ADAMTS17: variants seen among roughly 807,000 people sequenced by gnomAD.
ADAMTS17 encodes the protein ADAM metallopeptidase with thrombospondin type 1 motif 17, also known as A disintegrin and metalloproteinase with thrombospondin motifs 17.
ADAMTS17 carries 113 observed loss-of-function variants against 141.5 expected under a neutral mutation model. The ratio of observed to expected loss-of-function variants is 0.80; its 90% CI spans 0.69 to 0.93. ADAMTS17 has a LOEUF of 0.93. ADAMTS17 is among the 40% of genes least tolerant of loss of function. ADAMTS17 has a pLI of 0.00. For synonymous variants in ADAMTS17, 768 were observed against 630.6 expected, an observed-to-expected ratio of 1.22 and a Z score of -3.27; for missense variants, 1,659 against 1,517.9, an observed-to-expected ratio of 1.09 and a Z score of -1.54.
chr15:100,026,959 C>G (rs2573586), intron 18 of ADAMTS17, among the ~76,000 whole-genome samples: 25,171 of 152,236 alleles, frequency 0.17, 5,870 homozygotes, highest in African/African-American at 0.53. Context: ...CCAAAACATA[C>G]TATCATCTGT....
In ADAMTS17 at chr15:100,193,077, G is replaced by C. The variant is rs2040979073; in HGVS notation, c.1181+6241C>G. Among the ~76,000 whole-genome samples, 3 of 152,258 alleles carry C rather than the reference G, an allele frequency of 2.0e-5. No homozygotes were observed. In the South Asian group the frequency reaches 6.2e-4, roughly 31 times the overall value. ...AGCATCCAATGTAATGAAAATTAGA[G>C]AAGACTGAGCTTCACCTGCACCTGG... On this transcript the variant is annotated intron_variant, in intron 8 of 21. Transcript: ENST00000268070.
chr15:100,132,187 C>G, intron 11 of ADAMTS17, 35 bp from the exon 12 acceptor site: 1 of 1,606,318 alleles, frequency 6.2e-7, no homozygotes, highest in African/African-American at 1.3e-5. Flanking sequence ...GGCCCAGGCA[C>G]TCAGCAGAGC....
rs145776881 is a variant in ADAMTS17, at chr15:100,098,517, C to T, written c.2017-2041G>A. Among the ~76,000 whole-genome samples the T allele has an allele frequency of 1.4e-3, 206 of 151,946 alleles. 3 individuals carry two copies. The highest frequency in any genetic ancestry group is 4.8e-3 in the African/African-American group (197 of 41,442). ...CAAAAATTAGCTAGGCATGGTGGCACGCACCTATGGTGACACGCACCTGTA... is the reference window on the plus strand; with the variant it reads ...CAAAAATTAGCTAGGCATGGTGGCATGCACCTATGGTGACACGCACCTGTA... On this transcript the variant is annotated intron_variant, in intron 14 of 21. Coordinates refer to ENST00000268070, the MANE Select transcript of ADAMTS17 (RefSeq NM_139057.4).
chr15:100,262,496 T>G, intron 4 of ADAMTS17, 61 bp from the exon 5 acceptor site: 1 of 1,271,898 alleles, frequency 7.9e-7, no homozygotes, highest in Non-Finnish European at 1.1e-6. Context: ...AATACAGTAG[T>G]ATCCTAGATG....
chr15:100,205,505 C>T (rs544125430), intron 7 of ADAMTS17, among the ~76,000 whole-genome samples: 19 of 152,260 alleles, frequency 1.2e-4, no homozygotes, highest in African/African-American at 3.9e-4. Context: ...CAGCAGGACC[C>T]ATCACGTGGG....
intron 18 of ADAMTS17, among the ~76,000 whole-genome samples, chr15:100,021,827 C>G (rs1184792595): frequency 2.0e-5 from 3 of 152,140 alleles, no homozygotes; most frequent in Admixed American, 2.0e-4. Context: ...TTGGCTGTTC[C>G]TTCACTCAGA....
At chr15:100,319,811 T>C (rs1596515798) in intron 3 of ADAMTS17, among the ~76,000 whole-genome samples, 3 of 151,054 alleles carry the variant, frequency 2.0e-5, no homozygotes, top group African/African-American at 7.3e-5. Context: ...ACACCTATAA[T>C]CCCAGCCACT....
chr15:100,015,435 T>C (rs1275172993), intron 18 of ADAMTS17, among the ~76,000 whole-genome samples: 3 of 152,226 alleles, frequency 2.0e-5, no homozygotes, highest in Non-Finnish European at 2.9e-5. Flanking sequence ...TTTTGTTTTT[T>C]AACTTGTATT....
chr15:100,168,978 T>C (rs2040056535), intron 8 of ADAMTS17, among the ~76,000 whole-genome samples: 1 of 152,216 alleles, frequency 6.6e-6, no homozygotes, highest in Non-Finnish European at 1.5e-5. Context: ...TAATGGCAGA[T>C]GTGTTGGGCA....
chr15:100,085,654 GA>G (rs1351506862), intron 15 of ADAMTS17, among the ~76,000 whole-genome samples: 4 of 151,954 alleles, frequency 2.6e-5, no homozygotes, highest in Admixed American at 2.0e-4. Context: ...TCTCTCGGCA[GA>G]AACTCTATAA....
intron 15 of ADAMTS17, among the ~76,000 whole-genome samples, chr15:100,068,859 G>A (rs560565365): frequency 6.6e-6 from 1 of 152,284 alleles, no homozygotes; most frequent in Non-Finnish European, 1.5e-5. Flanking sequence ...CTCCTCCAAA[G>A]GAACGCAGCT....
chr15:100,159,376 G>A lies in ADAMTS17; in HGVS notation c.1182-4056C>T, dbSNP rs541934915. ...ATCAGCTTTTTATTTTCTTCTACCT[G>A]GTAGCTTTTTCTTTCTCTATTTCAT... On this transcript the variant is annotated intron_variant, in intron 8 of 21. Transcript: ENST00000268070. Among the ~76,000 whole-genome samples the A allele has an allele frequency of 5.3e-5, 8 of 152,262 alleles. No homozygotes were observed. In the South Asian group the frequency reaches 6.2e-4, roughly 12 times the overall value.
chr15:100,133,669 C>T (rs2038175925), intron 10 of ADAMTS17, among the ~76,000 whole-genome samples: 1 of 152,140 alleles, frequency 6.6e-6, no homozygotes, highest in Non-Finnish European at 1.5e-5. Context: ...CCATTTACAG[C>T]AGTGAGGGGC....
intron 20 of ADAMTS17, among the ~76,000 whole-genome samples, chr15:99,978,138 G>C (rs998712668): frequency 1.3e-5 from 2 of 152,190 alleles, no homozygotes; most frequent in African/African-American, 4.8e-5. Flanking sequence ...CCTTGCTGGA[G>C]AAAGGACCTT....
chr15:100,289,433 C>T (rs966929114), intron 3 of ADAMTS17, among the ~76,000 whole-genome samples: 2 of 152,140 alleles, frequency 1.3e-5, no homozygotes, highest in African/African-American at 4.8e-5. Context: ...ACCATTCCTA[C>T]TAAAAGCATT....
At chr15:100,130,997 A>G (rs2038009843) in intron 12 of ADAMTS17, among the ~76,000 whole-genome samples, 1 of 152,218 alleles carries the variant, frequency 6.6e-6, no homozygotes, top group Non-Finnish European at 1.5e-5. Context: ...CTGGATAAAG[A>G]AAATGTGGCA....
At chr15:100,147,231 T>C (rs1419781589) in intron 10 of ADAMTS17, among the ~76,000 whole-genome samples, 1 of 152,036 alleles carries the variant, frequency 6.6e-6, no homozygotes, top group Admixed American at 6.6e-5. Flanking sequence ...TTGTACTCTG[T>C]CCCCTTATTT....
In ADAMTS17 at chr15:99,974,303, T is replaced by C. The variant is rs58960452; in HGVS notation, c.*99A>G. 0.012 allele frequency: 18,739 copies of C among 1,510,116 alleles called. 1,850 individuals are homozygous for C. In the African/African-American group the frequency reaches 0.22, roughly 18 times the overall value. 93.5% of individuals were successfully genotyped at this position (1,510,116 alleles called of 1,614,324 possible). A position where few individuals can be genotyped will look rare whatever the true frequency, so the allele number is the denominator to read the frequency against. ...CATGTTCTATGTAGTTGGATTCTTG[T>C]GGCAGCCGGGTGGGGGCGTGGCCAC... On this transcript the variant is annotated 3_prime_UTR_variant, in exon 22 of 22. Coordinates refer to ENST00000268070, the MANE Select transcript of ADAMTS17 (RefSeq NM_139057.4).
At chr15:100,335,287 C>T (rs996959531) in intron 2 of ADAMTS17, among the ~76,000 whole-genome samples, 3 of 152,182 alleles carry the variant, frequency 2.0e-5, no homozygotes, top group Non-Finnish European at 4.4e-5. Context: ...ATCCACACGC[C>T]TGCCAGTTCA....
Sources: allele counts gnomAD v4.1 joint callset (sites outside exome capture counted in the v4.1 genomes callset), GRCh38; gene constraint gnomAD v4.1.1; transcripts MANE v1.5; gene names NCBI Gene and HGNC (gene_info 2026-07-23, HGNC 2026-07-21).